MECOM: variants seen among roughly 807,000 people sequenced by gnomAD.
The protein encoded by MECOM is MDS1 and EVI1 complex locus.
A neutral mutation model predicts 116.3 loss-of-function variants in MECOM; 13 were observed. The observed-to-expected ratio is 0.11, with a 90% CI of 0.07 to 0.18. The LOEUF (loss-of-function observed/expected upper bound fraction) is 0.18, where lower values mean the gene tolerates loss of function less well. Ranked by LOEUF, MECOM falls within the 10% of genes least tolerant of loss-of-function variation. The pLI is 1.00. For missense variants in MECOM, 1,299 were observed against 1,509.0 expected (o/e 0.86, Z 2.31); for synonymous variants, 528 against 535.2 (o/e 0.99, Z 0.19).
At chr3:169,257,744 G>A (rs932999315) in intron 2 of MECOM, among the ~76,000 whole-genome samples, 2 of 152,060 alleles carry the variant, frequency 1.3e-5, no homozygotes, top group African/African-American at 4.8e-5. Context: ...ATAATAATTT[G>A]GCCTTTCCTC....
chr3:169,415,820 G>T (rs1463332344), intron 1 of MECOM, among the ~76,000 whole-genome samples: 2 of 152,044 alleles, frequency 1.3e-5, no homozygotes, highest in Non-Finnish European at 2.9e-5. Flanking sequence ...AACAAGAAGA[G>T]CTAACTATCC....
intron 1 of MECOM, among the ~76,000 whole-genome samples, chr3:169,615,911 T>C (rs936313846): frequency 6.6e-6 from 1 of 152,250 alleles, no homozygotes; most frequent in Non-Finnish European, 1.5e-5. Flanking sequence ...TTTCCTTCTG[T>C]CACACAGCAA....
chr3:169,217,579 T>C (rs1751571396), intron 2 of MECOM, among the ~76,000 whole-genome samples: 1 of 151,432 alleles, frequency 6.6e-6, no homozygotes. Context: ...AGGTCAGGAG[T>C]TTGAGACCAG....
At chr3:169,149,157 G>T (rs1012826720) in intron 2 of MECOM, among the ~76,000 whole-genome samples, 5 of 150,992 alleles carry the variant, frequency 3.3e-5, no homozygotes, top group Non-Finnish European at 7.4e-5. Flanking sequence ...TTCCTGTCAG[G>T]ATGAGGGATT....
chr3:169,662,266 C>T (rs1560551181), intron 1 of MECOM, among the ~76,000 whole-genome samples: 1 of 152,186 alleles, frequency 6.6e-6, no homozygotes, highest in Non-Finnish European at 1.5e-5. Flanking sequence ...GGGTTATTGA[C>T]CCTGGACCCA....
At chr3:169,291,685 T>G (rs1714582021) in intron 2 of MECOM, among the ~76,000 whole-genome samples, 1 of 152,192 alleles carries the variant, frequency 6.6e-6, no homozygotes, top group Non-Finnish European at 1.5e-5. Flanking sequence ...GAAAGTGGGC[T>G]CTATTTCAAG....
At chr3:169,181,453 T>TA in intron 2 of MECOM, among the ~76,000 whole-genome samples, 1 of 152,184 alleles carries the variant, frequency 6.6e-6, no homozygotes, top group East Asian at 1.9e-4. Flanking sequence ...CAGCACTGAC[T>TA]AAAAAATCAG....
chr3:169,180,793 T>TTATATATATATATATATA lies in MECOM; in HGVS notation c.376-36962_376-36961insTATATATATATATATATA, dbSNP rs1415631608. Among the ~76,000 whole-genome samples the TTATATATATATATATATA allele has an allele frequency of 8.9e-4, 63 of 71,162 alleles. 3 individuals carry two copies. The highest frequency in any genetic ancestry group is 1.3e-3 in the Non-Finnish European group (46 of 36,666). The allele number at this position is 71,162 out of a possible 152,430, so 46.7% of individuals were successfully genotyped here. A position where few individuals can be genotyped will look rare whatever the true frequency, so the allele number is the denominator to read the frequency against. Reference sequence around the variant, plus strand: ...TTATGTATGTGTGTGTGTGTGGAGATGATATATATATATATATATATCAGG... The same window carrying TTATATATATATATATATA: ...TTATGTATGTGTGTGTGTGTGGAGATTATATATATATATATATAGATATATATATATATATATATCAGG... On this transcript the variant is annotated intron_variant, in intron 2 of 16. Coordinates refer to ENST00000651503, the MANE Select transcript of MECOM (RefSeq NM_004991.4).
intron 9 of MECOM, 39 bp from the exon 10 acceptor site, chr3:169,107,991 T>A: frequency 6.3e-7 from 1 of 1,579,060 alleles, no homozygotes; most frequent in Non-Finnish European, 8.7e-7. Flanking sequence ...AAATTACTTC[T>A]GTGTTGGTAT....
At chr3:169,403,105 T>A (rs1736145772) in intron 1 of MECOM, among the ~76,000 whole-genome samples, 1 of 152,198 alleles carries the variant, frequency 6.6e-6, no homozygotes, top group African/African-American at 2.4e-5. Flanking sequence ...TCCTGCAAAA[T>A]CAACATTCTC....
At chr3:169,352,176 C>T (rs1231267131) in intron 2 of MECOM, among the ~76,000 whole-genome samples, 3 of 151,686 alleles carry the variant, frequency 2.0e-5, no homozygotes, top group East Asian at 1.9e-4. Flanking sequence ...TTTACATAGC[C>T]GTAGTTACTA....
In MECOM at chr3:169,122,727, G is replaced by T; in HGVS notation, c.831C>A (p.Ser277Arg). ...ECDQVFPDLQ[S>R]LEKHMLSHTE... is the part of the protein sequence containing the mutation. The stretch of plus-strand genomic sequence containing the variant: ...TATGTGACAGCATGTGTTTCTCCAG[G>T]CTGTTAAGAGAACAATAGATTTTAA... The change falls in exon 6 of 17, where the codon AGC (serine) becomes AGA (arginine). Residue 277 changes from serine (S) to arginine (R), a missense_variant and splice_region_variant. By Grantham distance (110) the Ser-to-Arg change is moderately radical. Coordinates refer to ENST00000651503, the MANE Select transcript of MECOM (RefSeq NM_004991.4). 1 of 1,613,394 alleles carries T rather than the reference G, an allele frequency of 6.2e-7. No homozygotes were observed. Among genetic ancestry groups the T allele is most frequent in the Non-Finnish European group, 8.5e-7 (1 of 1,179,566 alleles).
chr3:169,206,517 T>C (rs1749932447), intron 2 of MECOM, among the ~76,000 whole-genome samples: 1 of 152,032 alleles, frequency 6.6e-6, no homozygotes, highest in South Asian at 2.1e-4. Context: ...TTTGGGAGGA[T>C]GACGCGGGCA....
chr3:169,212,676 ATATAT>A (rs1750919032), intron 2 of MECOM, among the ~76,000 whole-genome samples: 1 of 119,052 alleles, frequency 8.4e-6, no homozygotes, highest in Non-Finnish European at 1.7e-5. Flanking sequence ...ATATATATAT[ATATAT>A]ATATGCAACA....
chr3:169,262,735 A>G (rs1463018297), intron 2 of MECOM, among the ~76,000 whole-genome samples: 1 of 152,192 alleles, frequency 6.6e-6, no homozygotes, highest in East Asian at 1.9e-4. Flanking sequence ...CGATTAAGAC[A>G]TAAACTATTG....
chr3:169,378,506 AAAGAAAG>A (rs367552840), intron 2 of MECOM, among the ~76,000 whole-genome samples: 5,349 of 30,454 alleles, frequency 0.18, 1,153 homozygotes, highest in African/African-American at 0.2. Flanking sequence ...AGAAAGAAAG[AAAGAAAG>A]AAAAGAAAGA....
At chr3:169,135,619 A>G (rs958611099) in intron 3 of MECOM, among the ~76,000 whole-genome samples, 12 of 151,986 alleles carry the variant, frequency 7.9e-5, no homozygotes, top group African/African-American at 2.2e-4. Flanking sequence ...GAAGCACAAC[A>G]TGTTATGAAC....
intron 1 of MECOM, among the ~76,000 whole-genome samples, chr3:169,589,097 T>C (rs1766098457): frequency 6.6e-6 from 1 of 152,152 alleles, no homozygotes; most frequent in Non-Finnish European, 1.5e-5. Context: ...CCTACTCAAA[T>C]GGCTGTGTGG....
intron 1 of MECOM, among the ~76,000 whole-genome samples, chr3:169,483,207 T>C (rs539275557): frequency 7.7e-6 from 1 of 129,712 alleles, no homozygotes; most frequent in Non-Finnish European, 1.6e-5. Flanking sequence ...TTTTTATTTT[T>C]TTTTTTTTTT....
Sources: allele counts gnomAD v4.1 joint callset (sites outside exome capture counted in the v4.1 genomes callset), GRCh38; gene constraint gnomAD v4.1.1; transcripts MANE v1.5; gene names NCBI Gene and HGNC (gene_info 2026-07-23, HGNC 2026-07-21).